UPF1: variants seen among roughly 807,000 people sequenced by gnomAD.
The protein encoded by UPF1 is UPF1 RNA helicase and ATPase.
Under a neutral mutation model 129.2 loss-of-function variants are expected in UPF1, and 9 were observed. That is an observed-to-expected ratio of 0.07 (90% CI 0.04 to 0.12). The LOEUF is 0.12. Ranked by LOEUF, UPF1 falls within the 10% of genes least tolerant of loss-of-function variation. The probability of loss-of-function intolerance (pLI) is 1.00; values close to 1 mark genes in which losing one functional copy is unlikely to be tolerated. For missense variants in UPF1, 788 were observed against 1,525.3 expected, an observed-to-expected ratio of 0.52 and a Z score of 8.05; for synonymous variants, 649 against 644.9, an observed-to-expected ratio of 1.01 and a Z score of -0.10.
At chr19:18,852,457 C>T (rs1054506399) in intron 6 of UPF1, among the ~76,000 whole-genome samples, 161 bp downstream of exon 6, 9 of 152,108 alleles carry the variant, frequency 5.9e-5, no homozygotes, top group African/African-American at 1.4e-4. Context: ...CCTGGCAGCC[C>T]GGTGGTCTGA....
chr19:18,863,568 A>T lies in UPF1; in HGVS notation c.2731A>T (p.Met911Leu). ...GCTCAACAACCTGCGTGAGAGCCTCATGCAGTTCAGCAAGCCACGGAAGCT... is the reference window on the plus strand; with the variant it reads ...GCTCAACAACCTGCGTGAGAGCCTCTTGCAGTTCAGCAAGCCACGGAAGCT... ...GPLNNLRESL[M>L]QFSKPRKLVN... The change falls in exon 19 of 24, where the codon ATG (methionine) becomes TTG (leucine). Residue 911 changes from methionine (M) to leucine (L), a missense_variant. By Grantham distance (15) the Met-to-Leu change is conservative. Transcript: ENST00000262803. 6.2e-7 allele frequency: 1 copy of T among 1,613,584 alleles called. No homozygotes were observed. The highest frequency in any genetic ancestry group is 8.5e-7 in the Non-Finnish European group (1 of 1,179,774).
At chr19:18,863,185 A>G (rs2055800564) in intron 18 of UPF1, 2 of 444,460 alleles carry the variant, frequency 4.5e-6, no homozygotes, top group Non-Finnish European at 8.1e-6. Context: ...CTTCTCTCCA[A>G]ACGTATCCAC....
At chr19:18,846,617 C>T (rs558300781) in intron 2 of UPF1, among the ~76,000 whole-genome samples, 1 of 152,248 alleles carries the variant, frequency 6.6e-6, no homozygotes, top group Admixed American at 6.5e-5. Context: ...GAATTCTCAT[C>T]TCGAGTGGGA....
intron 20 of UPF1, among the ~76,000 whole-genome samples, chr19:18,864,552 T>G (rs990919687): frequency 1.3e-5 from 2 of 152,234 alleles, no homozygotes; most frequent in Non-Finnish European, 2.9e-5. Context: ...AAAAGGATTT[T>G]TTTTTTCCTT....
intron 2 of UPF1, 77 bp from the exon 3 acceptor site, chr19:18,847,667 A>C: frequency 7.1e-7 from 1 of 1,400,928 alleles, no homozygotes; most frequent in South Asian, 1.2e-5. Flanking sequence ...TTGTCAGAGG[A>C]AAGAATTTCA....
At position 18,861,070 on chromosome 19, in the gene UPF1, C is replaced by T. The variant is rs566083932; in HGVS notation, c.2457+88C>T. On this transcript the variant is annotated intron_variant, in intron 17 of 23. Coordinates refer to ENST00000262803, the MANE Select transcript of UPF1 (RefSeq NM_002911.4). The stretch of plus-strand genomic sequence containing the variant: ...TTTAAGTTACCCCCCAAGAGGGGCC[C>T]GTCCTGGCTGGAGCTCAGAATGGCC... The T allele has an allele frequency of 8.9e-4, 1,303 of 1,458,454 alleles. 1 individual carries two copies. The highest frequency in any genetic ancestry group is 1.1e-3 in the Non-Finnish European group (1,219 of 1,100,902). 90.3% of individuals were successfully genotyped at this position (1,458,454 alleles called of 1,614,324 possible).
At position 18,865,463 on chromosome 19, in the gene UPF1, G is replaced by A. The variant is rs896612542; in HGVS notation, c.3019+13G>A. On this transcript the variant is annotated intron_variant, in intron 21 of 23. Coordinates refer to ENST00000262803, the MANE Select transcript of UPF1 (RefSeq NM_002911.4). The surrounding 1 kb of genome is among the most constrained non-coding windows in gnomAD (Gnocchi z 6.1). Reference sequence around the variant, plus strand: ...GGGCCTGCTGCAGGTGAGCATCTGTGGCTGCGGCTGGGTGTGGCCCTCCTG... The same window carrying A: ...GGGCCTGCTGCAGGTGAGCATCTGTAGCTGCGGCTGGGTGTGGCCCTCCTG... 1.9e-6 allele frequency: 3 copies of A among 1,612,188 alleles called. No individual in the cohort carries two copies. The African/African-American group carries it at 4.0e-5, about 22-fold the overall frequency.
At chr19:18,841,824 A>G (rs1185739532) in intron 1 of UPF1, among the ~76,000 whole-genome samples, 1 of 152,168 alleles carries the variant, frequency 6.6e-6, no homozygotes, top group Non-Finnish European at 1.5e-5. Context: ...GGACTCTAGC[A>G]CACCTGGCTG....
At chr19:18,863,641 G>C in intron 19 of UPF1, 29 bp downstream of exon 19, 4 of 1,584,464 alleles carry the variant, frequency 2.5e-6, no homozygotes, top group Non-Finnish European at 3.4e-6. Flanking sequence ...CAGCAGGGCA[G>C]CACGGAGAAA....
At position 18,832,422 on chromosome 19, in the gene UPF1, G is replaced by C; in HGVS notation, c.213G>C (p.Ala71=). The change falls in exon 1 of 24, where the codon GCG becomes GCC. Residue 71 remains alanine (A), a synonymous_variant. Coordinates refer to ENST00000262803, the MANE Select transcript of UPF1 (RefSeq NM_002911.4). The surrounding 1 kb of genome is among the most constrained non-coding windows in gnomAD (Gnocchi z 5.6). Reference sequence around the variant, plus strand: ...GCGGCGCGGGCGCGGGCGCTGCGGCGGGACAGCTCGACGCGCAGGTGAGCG... The same window carrying C: ...GCGGCGCGGGCGCGGGCGCTGCGGCCGGACAGCTCGACGCGCAGGTGAGCG... ...GPGGAGAGAA[A]GQLDAQVGPE... 2 of 996,478 alleles carry C rather than the reference G, an allele frequency of 2.0e-6. No homozygotes were observed. Among genetic ancestry groups the C allele is most frequent in the Non-Finnish European group, 2.4e-6 (2 of 837,988 alleles). The allele number at this position is 996,478 out of a possible 1,614,324, so 61.7% of individuals were successfully genotyped here. A position where few individuals can be genotyped will look rare whatever the true frequency, so the allele number is the denominator to read the frequency against.
At chr19:18,861,064 G>T in intron 17 of UPF1, 82 bp downstream of exon 17, 2 of 1,474,714 alleles carry the variant, frequency 1.4e-6, no homozygotes, top group Non-Finnish European at 1.8e-6. Context: ...CCCCCCAAGA[G>T]GGGCCCGTCC....
Position 18,851,031 on chromosome 19 carries a change from T to G in UPF1, c.810+163T>G. On this transcript the variant is annotated intron_variant, in intron 5 of 23. Coordinates refer to ENST00000262803, the MANE Select transcript of UPF1 (RefSeq NM_002911.4). This position sits in a 1 kb window ranked among gnomAD's most constrained non-coding sequence, Gnocchi z 4.2. ...CTACGTGGAATGACCTCAGGGCACCTTGGTCACCTTCCATCCAGGCAGCCT... is the reference window on the plus strand; with the variant it reads ...CTACGTGGAATGACCTCAGGGCACCGTGGTCACCTTCCATCCAGGCAGCCT... 1.3e-6 allele frequency: 1 copy of G among 796,290 alleles called. No homozygotes were observed. Among genetic ancestry groups the G allele is most frequent in the Admixed American group, 3.7e-5 (1 of 27,230 alleles). The allele number at this position is 796,290 out of a possible 1,614,324, so 49.3% of individuals were successfully genotyped here.
chr19:18,857,228 G>T, intron 14 of UPF1, 92 bp from the exon 15 acceptor site: 1 of 1,492,564 alleles, frequency 6.7e-7, no homozygotes, highest in Non-Finnish European at 9.1e-7. Flanking sequence ...GTGGTGTCCT[G>T]TGCATCCTGG....
chr19:18,850,219 C>T lies in UPF1; in HGVS notation c.606C>T (p.Asp202=), dbSNP rs2055643192. Residue 202 remains aspartate, a synonymous_variant, in exon 4 of 24, where the codon GAC becomes GAT. Coordinates refer to ENST00000262803, the MANE Select transcript of UPF1 (RefSeq NM_002911.4). This position sits in a 1 kb window ranked among gnomAD's most constrained non-coding sequence, Gnocchi z 7.1. The part of the protein sequence containing the change: ...FLLGFIPAKA[D]SVVVLLCRQP... Reference sequence around the variant, plus strand: ...TCGGCTTCATCCCGGCCAAAGCTGACTCAGTGGTGGTGCTGCTGTGCAGGT... The same window carrying T: ...TCGGCTTCATCCCGGCCAAAGCTGATTCAGTGGTGGTGCTGCTGTGCAGGT... 12 of 1,611,886 alleles carry T rather than the reference C, an allele frequency of 7.4e-6. No individual in the cohort carries two copies. The highest frequency in any genetic ancestry group is 1.0e-5 in the Non-Finnish European group (12 of 1,178,820).
chr19:18,856,305 G>A lies in UPF1; in HGVS notation c.1824+5G>A. On this transcript the variant is annotated splice_donor_5th_base_variant and intron_variant, in intron 13 of 23. Coordinates refer to ENST00000262803, the MANE Select transcript of UPF1 (RefSeq NM_002911.4). ...GCAGAGAGAGAGCTGCTGATGGTGAGTGCCCCTCCTGCCTGCAAAAGGGCC... is the reference window on the plus strand; with the variant it reads ...GCAGAGAGAGAGCTGCTGATGGTGAATGCCCCTCCTGCCTGCAAAAGGGCC... 6.3e-7 allele frequency: 1 copy of A among 1,588,568 alleles called. No homozygotes were observed. The highest frequency in any genetic ancestry group is 8.6e-7 in the Non-Finnish European group (1 of 1,159,626).
At chr19:18,848,267 A>C in intron 3 of UPF1, 1 of 171,660 alleles carries the variant, frequency 5.8e-6, no homozygotes, top group Non-Finnish European at 1.3e-5. Flanking sequence ...ATCGGCTTCA[A>C]TTAAGTTCAC....
intron 2 of UPF1, 121 bp downstream of exon 2, chr19:18,846,240 G>T: frequency 7.0e-7 from 1 of 1,426,186 alleles, no homozygotes. Flanking sequence ...CTGGGTGGCG[G>T]TGTCCTCGGG....
chr19:18,850,066 T>C lies in UPF1; in HGVS notation c.462-9T>C, dbSNP rs1346689348. On this transcript the variant is annotated splice_polypyrimidine_tract_variant and intron_variant, in intron 3 of 23. Transcript: ENST00000262803. This position sits in a 1 kb window ranked among gnomAD's most constrained non-coding sequence, Gnocchi z 7.1. The stretch of plus-strand genomic sequence containing the variant: ...TGGGTGTTAACCGTTTATCATTTCC[T>C]GGTTTCAGCCACATTGTAAATCACC... The C allele has an allele frequency of 1.2e-6, 2 of 1,613,868 alleles. No individual in the cohort carries two copies. Among genetic ancestry groups the C allele is most frequent in the South Asian group, 2.2e-5 (2 of 91,040 alleles).
At chr19:18,857,697 T>C (rs937418571) in intron 15 of UPF1, among the ~76,000 whole-genome samples, 164 bp downstream of exon 15, 1 of 152,208 alleles carries the variant, frequency 6.6e-6, no homozygotes, top group Non-Finnish European at 1.5e-5. Context: ...GGTATGGTCT[T>C]GGATCAAGTG....
Sources: allele counts gnomAD v4.1 joint callset (sites outside exome capture counted in the v4.1 genomes callset), GRCh38; gene constraint gnomAD v4.1.1; non-coding constraint Gnocchi (gnomAD v3.1); transcripts MANE v1.5; gene names NCBI Gene and HGNC (gene_info 2026-07-23, HGNC 2026-07-21).